CLVS1: variants seen among roughly 807,000 people sequenced by gnomAD.
The protein encoded by CLVS1 is clavesin-1.
A neutral mutation model predicts 33.1 loss-of-function variants in CLVS1; 10 were observed. The observed-to-expected ratio is 0.30, with a 90% CI of 0.19 to 0.51. The LOEUF (loss-of-function observed/expected upper bound fraction) is 0.51. CLVS1 is among the 20% of genes least tolerant of loss of function. The pLI is 0.97. For synonymous variants in CLVS1, 163 were observed against 166.1 expected (o/e 0.98, Z 0.14); for missense variants, 343 against 433.4 (o/e 0.79, Z 1.85).
intron 2 of CLVS1, among the ~76,000 whole-genome samples, chr8:61,349,363 A>G (rs776895086): frequency 3.9e-5 from 6 of 152,140 alleles, no homozygotes; most frequent in Non-Finnish European, 7.4e-5. Context: ...TTCAAAAGAA[A>G]AAAATGAAAA....
intron 2 of CLVS1, among the ~76,000 whole-genome samples, chr8:61,365,484 A>G (rs958829110): frequency 4.0e-5 from 6 of 151,870 alleles, no homozygotes; most frequent in African/African-American, 1.5e-4. Context: ...TTGGGATTGC[A>G]CCACTGCACT....
intron 3 of CLVS1, chr8:61,377,158 T>C (rs1261873634): frequency 5.8e-6 from 1 of 171,866 alleles, no homozygotes; most frequent in African/African-American, 2.4e-5. Flanking sequence ...GCCCCAGAAA[T>C]GCACCCTGCA....
At chr8:61,000,168 T>C in the CLVS1 span, among the ~76,000 whole-genome samples, 2 of 152,354 alleles carry the variant, frequency 1.3e-5, no homozygotes, top group Middle Eastern at 3.4e-3. Context: ...CTGAATCCAA[T>C]GATTTGGTTC....
intron 1 of CLVS1, among the ~76,000 whole-genome samples, chr8:61,057,726 G>C (rs916597397): frequency 6.6e-6 from 1 of 152,188 alleles, no homozygotes; most frequent in Non-Finnish European, 1.5e-5. Context: ...GGCTGTTTCA[G>C]TCGTAATCCT....
At chr8:61,217,311 G>A (rs190128819) in intron 2 of CLVS1, among the ~76,000 whole-genome samples, 4 of 152,252 alleles carry the variant, frequency 2.6e-5, no homozygotes, top group East Asian at 1.9e-4. Context: ...CAAATGAAAG[G>A]GGCTATAGTG....
intron 2 of CLVS1, among the ~76,000 whole-genome samples, chr8:61,228,753 C>T (rs1045562841): frequency 6.6e-6 from 1 of 152,138 alleles, no homozygotes; most frequent in Admixed American, 6.5e-5. Flanking sequence ...AATAGTATTC[C>T]ACTGTGTACA....
At position 61,424,510 on chromosome 8, in the gene CLVS1, G is replaced by C. The variant is rs138136693; in HGVS notation, c.631-29631G>C. Among the ~76,000 whole-genome samples the C allele has an allele frequency of 6.5e-3, 988 of 152,260 alleles. 16 individuals are homozygous for C. The highest frequency in any genetic ancestry group is 0.023 in the African/African-American group (949 of 41,562). ...TAACAGTAGAAGCTTTATTAACTAAGTAGTAGTCTATGTAGACTTGCCTTT... is the reference window on the plus strand; with the variant it reads ...TAACAGTAGAAGCTTTATTAACTAACTAGTAGTCTATGTAGACTTGCCTTT... On this transcript the variant is annotated intron_variant, in intron 3 of 5. Transcript: ENST00000325897.
At chr8:61,298,542 AATC>A (rs1265283975) in intron 1 of CLVS1, among the ~76,000 whole-genome samples, 1 of 152,200 alleles carries the variant, frequency 6.6e-6, no homozygotes, top group Admixed American at 6.5e-5. Context: ...TAAGCAGAGC[AATC>A]ATCATTTAAG....
chr8:60,973,771 C>CTCGA, the CLVS1 span, among the ~76,000 whole-genome samples: 3 of 152,190 alleles, frequency 2.0e-5, no homozygotes, highest in Non-Finnish European at 2.9e-5. Context: ...AATGCTCATG[C>CTCGA]TCGAGCTCAC....
intron 1 of CLVS1, among the ~76,000 whole-genome samples, chr8:61,128,680 C>T (rs980582360): frequency 6.6e-6 from 1 of 152,190 alleles, no homozygotes; most frequent in Non-Finnish European, 1.5e-5. Context: ...GTTTGACATT[C>T]AATACGTGAA....
chr8:61,379,843 T>A (rs923883955), intron 3 of CLVS1, among the ~76,000 whole-genome samples: 6 of 152,134 alleles, frequency 3.9e-5, no homozygotes, highest in African/African-American at 1.4e-4. Flanking sequence ...CATTTGCAGT[T>A]TGACTTAACA....
chr8:61,234,376 A>C (rs963759170), intron 2 of CLVS1, among the ~76,000 whole-genome samples: 1 of 152,188 alleles, frequency 6.6e-6, no homozygotes, highest in Non-Finnish European at 1.5e-5. Context: ...ATGAATCACA[A>C]TAGCTTACAT....
chr8:61,429,931 A>G (rs1816049053), intron 3 of CLVS1, among the ~76,000 whole-genome samples: 1 of 152,244 alleles, frequency 6.6e-6, no homozygotes, highest in Non-Finnish European at 1.5e-5. Flanking sequence ...AAATTCCCAA[A>G]GCTTCTTGTA....
At chr8:61,246,317 C>T (rs1808809497) in intron 2 of CLVS1, among the ~76,000 whole-genome samples, 1 of 151,032 alleles carries the variant, frequency 6.6e-6, no homozygotes, top group South Asian at 2.1e-4. Flanking sequence ...TTATAGGCGT[C>T]CACCACCATG....
intron 3 of CLVS1, among the ~76,000 whole-genome samples, chr8:61,395,872 G>A (rs146212873): frequency 6.6e-6 from 1 of 152,228 alleles, no homozygotes; most frequent in East Asian, 1.9e-4. Context: ...CTTCAGGAGT[G>A]GGTTTTCAAG....
intron 5 of CLVS1, among the ~76,000 whole-genome samples, chr8:61,492,165 T>A (rs1804110420): frequency 1.3e-5 from 2 of 152,222 alleles, no homozygotes; most frequent in African/African-American, 4.8e-5. Context: ...AGACCAATGC[T>A]ATCCAATGGA....
chr8:61,381,520 A>G (rs1361871236), intron 3 of CLVS1, among the ~76,000 whole-genome samples: 1 of 152,172 alleles, frequency 6.6e-6, no homozygotes, highest in Non-Finnish European at 1.5e-5. Context: ...TTTGGTGTAC[A>G]GATTATTTCA....
rs190993473 is a variant in CLVS1, at chr8:61,255,487, T to G, written c.-151-44190T>G. The stretch of plus-strand genomic sequence containing the variant: ...AGCAGAAGTCGAATTCTTGTCTGTA[T>G]GTGTGTGTGGAGAGGTGAAGGAGCG... On this transcript the variant is annotated intron_variant, in intron 2 of 2. Coordinates refer to the CLVS1 transcript ENST00000522621. Among the ~76,000 whole-genome samples the G allele has an allele frequency of 2.2e-3, 330 of 152,312 alleles. 2 individuals are homozygous for G. Among genetic ancestry groups the G allele is most frequent in the African/African-American group, 7.6e-3 (316 of 41,566 alleles).
At chr8:61,156,734 A>C (rs1293653339) in intron 2 of CLVS1, among the ~76,000 whole-genome samples, 2 of 152,254 alleles carry the variant, frequency 1.3e-5, no homozygotes, top group African/African-American at 2.4e-5. Context: ...TATTATTCCC[A>C]AAATGTCAAC....
Sources: allele counts gnomAD v4.1 joint callset (sites outside exome capture counted in the v4.1 genomes callset), GRCh38; gene constraint gnomAD v4.1.1; transcripts MANE v1.5; gene names NCBI Gene and HGNC (gene_info 2026-07-23, HGNC 2026-07-21).